DOT1L: variants seen among roughly 807,000 people sequenced by gnomAD.
DOT1L encodes the protein histone-lysine N-methyltransferase, H3 lysine-79 specific.
In DOT1L, 33 loss-of-function variants were observed where a neutral mutation model predicts 153.3. That is an observed-to-expected ratio of 0.22 (90% CI 0.16 to 0.29). The LOEUF (loss-of-function observed/expected upper bound fraction) is 0.29. DOT1L is among the 10% of genes least tolerant of loss of function. DOT1L has a pLI of 1.00. For synonymous variants in DOT1L, 1,135 were observed against 965.1 expected (o/e 1.18, Z -3.26); for missense variants, 1,847 against 2,119.9 (o/e 0.87, Z 2.53).
Position 2,164,175 on chromosome 19 carries a change from G to T in DOT1L, c.-10G>T. ...CCGCCTAGCATGGTGCGGCGGCCGC[G>T]CGCGCGGACATGGGGGAGAAGCTGG... is the stretch of plus-strand genomic sequence containing the variant. On this transcript the variant is annotated 5_prime_UTR_variant, in exon 1 of 28. Transcript: ENST00000398665. The T allele has an allele frequency of 8.4e-7, 1 of 1,189,744 alleles. No homozygotes were observed. Among genetic ancestry groups the T allele is most frequent in the Non-Finnish European group, 1.0e-6 (1 of 959,412 alleles). 73.7% of individuals were successfully genotyped at this position (1,189,744 alleles called of 1,614,324 possible).
intron 27 of DOT1L, 66 bp from the exon 28 acceptor site, chr19:2,229,719 G>C: frequency 6.2e-7 from 1 of 1,610,874 alleles, no homozygotes; most frequent in Non-Finnish European, 8.5e-7. Flanking sequence ...CAGCCTGGGT[G>C]AGTGTTGGGC....
In DOT1L at chr19:2,230,623, G is replaced by A. The variant is rs1300190574; in HGVS notation, c.*831G>A. On this transcript the variant is annotated 3_prime_UTR_variant, in exon 28 of 28. Coordinates refer to ENST00000398665, the MANE Select transcript of DOT1L (RefSeq NM_032482.3). ...GGTCCCTTGGTGTTTCTGTACAGGA[G>A]AGAGTCACACTAATGAGTGGCAGTA... The A allele has an allele frequency of 1.8e-5, 7 of 398,536 alleles. No homozygotes were observed. The East Asian group carries it at 2.5e-4, about 14-fold the overall frequency. The allele number at this position is 398,536 out of a possible 1,614,324, so 24.7% of individuals were successfully genotyped here. A position where few individuals can be genotyped will look rare whatever the true frequency, so the allele number is the denominator to read the frequency against.
rs748258342 is a variant in DOT1L at position 2,214,001 on chromosome 19, G to T, written c.1797+15G>T. On this transcript the variant is annotated intron_variant, in intron 18 of 27. Transcript: ENST00000398665. ...GCTTGCAGCTGGTGGGTGCCGCGGCGCAAGGACAGGGACGTGGAACCAGAG... is the reference window on the plus strand; with the variant it reads ...GCTTGCAGCTGGTGGGTGCCGCGGCTCAAGGACAGGGACGTGGAACCAGAG... 1.2e-6 allele frequency: 2 copies of T among 1,610,392 alleles called. No individual in the cohort carries two copies. Among genetic ancestry groups the T allele is most frequent in the Non-Finnish European group, 1.7e-6 (2 of 1,178,872 alleles).
intron 26 of DOT1L, among the ~76,000 whole-genome samples, chr19:2,225,981 G>A (rs2024312432): frequency 6.6e-6 from 1 of 151,924 alleles, no homozygotes; most frequent in Non-Finnish European, 1.5e-5. Context: ...CTGTGCTGTA[G>A]TCCTCCTGTC....
At chr19:2,188,650 C>CTG (rs1419133237) in intron 3 of DOT1L, among the ~76,000 whole-genome samples, 2 of 152,198 alleles carry the variant, frequency 1.3e-5, no homozygotes, top group Admixed American at 6.5e-5. Flanking sequence ...GTGAGAGCCA[C>CTG]TGTGTGTGAC....
intron 26 of DOT1L, 129 bp downstream of exon 26, chr19:2,225,581 C>A: frequency 9.5e-7 from 1 of 1,049,144 alleles, no homozygotes; most frequent in Non-Finnish European, 1.5e-6. Context: ...TGCGTCGTGT[C>A]CTGCGTGGTG....
In DOT1L at chr19:2,220,016, A is replaced by C. The variant is rs1390853106; in HGVS notation, c.2692-92A>C. Reference sequence around the variant, plus strand: ...GTGACCCCGGCGGCCTCCCCCAGCCAGCTGCAGGCCTCAACACTCACTGTT... The same window carrying C: ...GTGACCCCGGCGGCCTCCCCCAGCCCGCTGCAGGCCTCAACACTCACTGTT... On this transcript the variant is annotated intron_variant, in intron 22 of 27. Coordinates refer to ENST00000398665, the MANE Select transcript of DOT1L (RefSeq NM_032482.3). The surrounding 1 kb of genome is among the most constrained non-coding windows in gnomAD (Gnocchi z 4.5). The C allele has an allele frequency of 3.3e-6, 4 of 1,213,650 alleles. No homozygotes were observed. Among genetic ancestry groups the C allele is most frequent in the Non-Finnish European group, 4.6e-6 (4 of 868,692 alleles). 75.2% of individuals were successfully genotyped at this position (1,213,650 alleles called of 1,614,324 possible).
intron 9 of DOT1L, 54 bp downstream of exon 9, chr19:2,202,833 G>A (rs1237732517): frequency 1.7e-5 from 27 of 1,594,416 alleles, no homozygotes; most frequent in Non-Finnish European, 1.9e-5. Context: ...GAGGAAGGGT[G>A]GCCAGGAGGT....
intron 16 of DOT1L, 81 bp downstream of exon 16, chr19:2,211,923 C>T (rs1201276411): frequency 2.9e-6 from 4 of 1,372,620 alleles, no homozygotes; most frequent in Middle Eastern, 2.0e-4. Context: ...TCCCCTGTGG[C>T]AGAGGCCCTG....
intron 27 of DOT1L, chr19:2,227,906 C>CCCACCG: frequency 8.1e-7 from 1 of 1,228,692 alleles, no homozygotes; most frequent in Non-Finnish European, 1.0e-6. Flanking sequence ...CCCGGCCGCC[C>CCCACCG]CCTCCGCCTC....
rs1429520665 is a variant in DOT1L, at chr19:2,216,776, T to C, written c.2408+11T>C. ...TGAGCTGCATTCGAGGTGAGTGCCC[T>C]GGTGGGGCTGGGGGTCTGCAGCTGG... On this transcript the variant is annotated intron_variant, in intron 20 of 27. Coordinates refer to ENST00000398665, the MANE Select transcript of DOT1L (RefSeq NM_032482.3). 2 of 1,581,792 alleles carry C rather than the reference T, an allele frequency of 1.3e-6. No homozygotes were observed. Among genetic ancestry groups the C allele is most frequent in the Admixed American group, 1.7e-5 (1 of 59,342 alleles).
At chr19:2,200,062 G>T (rs1794840258) in intron 8 of DOT1L, 123 bp downstream of exon 8, 3 of 1,289,176 alleles carry the variant, frequency 2.3e-6, no homozygotes, top group Non-Finnish European at 3.2e-6. Context: ...GAAAGAGGCC[G>T]GTGGGGACAG....
Position 2,220,451 on chromosome 19 carries a change from C to CT in DOT1L, c.2806+230dup. On this transcript the variant is annotated intron_variant, in intron 23 of 27. Coordinates refer to ENST00000398665, the MANE Select transcript of DOT1L (RefSeq NM_032482.3). This position sits in a 1 kb window ranked among gnomAD's most constrained non-coding sequence, Gnocchi z 4.5. Reference sequence around the variant, plus strand: ...GGCCTCATACCTGGGTCTCCCGACACTGACACCTCCTGCTTGGGTGTATTA... The same window carrying CT: ...GGCCTCATACCTGGGTCTCCCGACACTTGACACCTCCTGCTTGGGTGTATTA... The CT allele has an allele frequency of 1.5e-6, 1 of 645,382 alleles. No homozygotes were observed. Among genetic ancestry groups the CT allele is most frequent in the South Asian group, 1.5e-5 (1 of 66,224 alleles). The allele number at this position is 645,382 out of a possible 1,614,324, so 40.0% of individuals were successfully genotyped here.
chr19:2,167,734 CTT>C (rs66826356), intron 1 of DOT1L, among the ~76,000 whole-genome samples: 39 of 134,686 alleles, frequency 2.9e-4, no homozygotes, highest in Middle Eastern at 3.7e-3. Context: ...CTTTTCTTTT[CTT>C]TTTTTTTTTT....
intron 7 of DOT1L, among the ~76,000 whole-genome samples, chr19:2,198,549 C>T (rs1014987061): frequency 2.6e-5 from 4 of 152,182 alleles, no homozygotes; most frequent in Non-Finnish European, 5.9e-5. Context: ...TTGCTTGGGG[C>T]GGCGGCTTGC....
chr19:2,230,905 C>T lies in DOT1L; in HGVS notation c.*1113C>T, dbSNP rs1314369368. On this transcript the variant is annotated 3_prime_UTR_variant, in exon 28 of 28. Transcript: ENST00000398665. ...GTCAGGGCCACGCCTGGCACCCATC[C>T]CTTGGAGCCTGTGCTGGTTCTCCCA... 3 of 297,294 alleles carry T rather than the reference C, an allele frequency of 1.0e-5. No homozygotes were observed. The highest frequency in any genetic ancestry group is 8.8e-4 in the Middle Eastern group (1 of 1,138). The allele number at this position is 297,294 out of a possible 1,614,324, so 18.4% of individuals were successfully genotyped here.
In DOT1L at chr19:2,207,514, G is replaced by A. The variant is rs1390221830; in HGVS notation, c.857-60G>A. The stretch of plus-strand genomic sequence containing the variant: ...CCCACGCCTGCCCTGGGGTGGGTGA[G>A]GTCTGCATGGAGGGGCTGTGGGCAG... On this transcript the variant is annotated intron_variant, in intron 10 of 27. Transcript: ENST00000398665. The surrounding 1 kb of genome is among the most constrained non-coding windows in gnomAD (Gnocchi z 4.5). 1.4e-6 allele frequency: 2 copies of A among 1,461,098 alleles called. No homozygotes were observed. Among genetic ancestry groups the A allele is most frequent in the East Asian group, 2.3e-5 (1 of 43,946 alleles). The allele number at this position is 1,461,098 out of a possible 1,614,324, so 90.5% of individuals were successfully genotyped here.
At chr19:2,215,710 T>C (rs1028169701) in intron 19 of DOT1L, 3 of 152,424 alleles carry the variant, frequency 2.0e-5, no homozygotes, top group African/African-American at 4.8e-5. Flanking sequence ...CCAGCGTACA[T>C]TAGAGAAACG....
intron 3 of DOT1L, among the ~76,000 whole-genome samples, chr19:2,186,239 T>A (rs1004835882): frequency 6.6e-6 from 1 of 152,262 alleles, no homozygotes; most frequent in Non-Finnish European, 1.5e-5. Flanking sequence ...GAAGTCCGCG[T>A]TCCTGCCTGA....
Sources: allele counts gnomAD v4.1 joint callset (sites outside exome capture counted in the v4.1 genomes callset), GRCh38; gene constraint gnomAD v4.1.1; non-coding constraint Gnocchi (gnomAD v3.1); transcripts MANE v1.5; gene names NCBI Gene and HGNC (gene_info 2026-07-23, HGNC 2026-07-21).